The following CACNA1B variants were observed in gnomAD, a reference collection of about 807,000 sequenced individuals.
CACNA1B encodes the protein calcium voltage-gated channel subunit alpha1 B.
In CACNA1B, 70 loss-of-function variants were observed where a neutral mutation model predicts 247.2. The observed-to-expected ratio is 0.28, with a 90% CI of 0.23 to 0.35. CACNA1B has a LOEUF of 0.35. Among genes scored for constraint, CACNA1B ranks in the 10% least tolerant of loss-of-function variants. The probability of loss-of-function intolerance (pLI) is 1.00; values close to 1 mark genes in which losing one functional copy is unlikely to be tolerated. For missense variants in CACNA1B, 2,367 were observed against 3,197.4 expected (o/e 0.74, Z 6.26); for synonymous variants, 1,231 against 1,294.4 (o/e 0.95, Z 1.05).
At position 138,073,703 on chromosome 9, in the gene CACNA1B, G is replaced by C. The variant is rs1344120657; in HGVS notation, c.4791+99G>C. 3 of 756,888 alleles carry C rather than the reference G, an allele frequency of 4.0e-6. No individual in the cohort carries two copies. In the Admixed American group the frequency reaches 6.1e-5, roughly 15 times the overall value. The allele number at this position is 756,888 out of a possible 1,614,324, so 46.9% of individuals were successfully genotyped here. A position where few individuals can be genotyped will look rare whatever the true frequency, so the allele number is the denominator to read the frequency against. Reference sequence around the variant, plus strand: ...GCCCCTCCTTTGGGAGGCTGGGAGAGGGTATGGCATGCAGGTTTCGTGGTT... The same window carrying C: ...GCCCCTCCTTTGGGAGGCTGGGAGACGGTATGGCATGCAGGTTTCGTGGTT... On this transcript the variant is annotated intron_variant, in intron 33 of 46. Coordinates refer to ENST00000371372, the MANE Select transcript of CACNA1B (RefSeq NM_000718.4). This position sits in a 1 kb window ranked among gnomAD's most constrained non-coding sequence, Gnocchi z 6.4.
At chr9:138,078,007 C>T (rs1421361259) in intron 35 of CACNA1B, 107 bp from the exon 36 acceptor site, 2 of 894,008 alleles carry the variant, frequency 2.2e-6, no homozygotes, top group East Asian at 5.3e-5. Flanking sequence ...CATGTGTGAG[C>T]TGTCTGTGGG....
chr9:138,023,730 C>T lies in CACNA1B; in HGVS notation c.2987C>T (p.Thr996Ile). 2 of 1,010,212 alleles carry T rather than the reference C, an allele frequency of 2.0e-6. No homozygotes were observed. Among genetic ancestry groups the T allele is most frequent in the Non-Finnish European group, 2.5e-6 (2 of 806,418 alleles). The allele number at this position is 1,010,212 out of a possible 1,614,324, so 62.6% of individuals were successfully genotyped here. A position where few individuals can be genotyped will look rare whatever the true frequency, so the allele number is the denominator to read the frequency against. Residue 996 changes from threonine to isoleucine, a missense_variant, in exon 19 of 47, where the codon ACC becomes ATC. Physicochemically the swap from Thr to Ile is moderately conservative, Grantham distance 89. This residue lies in a region of CACNA1B where 631 missense variants were observed against 631.1 expected (regional missense o/e 1.00). Coordinates refer to ENST00000371372, the MANE Select transcript of CACNA1B (RefSeq NM_000718.4). ...QPAHEAVEKETTEKEATEKEA... is the reference protein window; with the variant it reads ...QPAHEAVEKEITEKEATEKEA... ...GCTCACGAGGCTGTGGAGAAGGAGA[C>T]CACGGAGAAGGAGGCCACGGAGAAG...
chr9:138,022,873 A>C, intron 18 of CACNA1B, 138 bp from the exon 19 acceptor site: 1 of 1,097,708 alleles, frequency 9.1e-7, no homozygotes, highest in Non-Finnish European at 1.2e-6. Context: ...GCGTCCCCCG[A>C]GGGGTGTGGG....
At position 137,899,820 on chromosome 9, in the gene CACNA1B, A is replaced by T. The variant is rs1336408692; in HGVS notation, c.531-13360A>T. 6.6e-6 allele frequency among the ~76,000 whole-genome samples: 1 copy of T among 152,062 alleles called. No individual in the cohort carries two copies. The highest frequency in any genetic ancestry group is 1.5e-5 in the Non-Finnish European group (1 of 68,008). On this transcript the variant is annotated intron_variant, in intron 3 of 46. Transcript: ENST00000371372. This position sits in a 1 kb window ranked among gnomAD's most constrained non-coding sequence, Gnocchi z 5.0. The stretch of plus-strand genomic sequence containing the variant: ...ACTGGGCCTGACTGGCACCTGACCC[A>T]CCTGCCCCGGCCCAGGGACCCCCGC...
chr9:138,111,340 G>C (rs376973808), intron 39 of CACNA1B, among the ~76,000 whole-genome samples: 1 of 152,338 alleles, frequency 6.6e-6, no homozygotes, highest in South Asian at 2.1e-4. Context: ...CTACAGTTGC[G>C]TGTGGCAATG....
rs968415615 is a variant in CACNA1B, at chr9:137,955,425, C to T, written c.1071-273C>T. On this transcript the variant is annotated intron_variant, in intron 7 of 46. Transcript: ENST00000371372. The surrounding 1 kb of genome is among the most constrained non-coding windows in gnomAD (Gnocchi z 6.9). ...ACTGCCCCTCTGGGGACCAAGGCAC[C>T]GTCCCTAAGTGCCACGGGAGTCTGA... Among the ~76,000 whole-genome samples the T allele has an allele frequency of 4.6e-5, 7 of 152,176 alleles. No individual in the cohort carries two copies. Among genetic ancestry groups the T allele is most frequent in the South Asian group, 2.1e-4 (1 of 4,824 alleles).
chr9:137,898,771 T>A (rs1221056462), intron 3 of CACNA1B, among the ~76,000 whole-genome samples: 1 of 151,310 alleles, frequency 6.6e-6, no homozygotes, highest in Non-Finnish European at 1.5e-5. Flanking sequence ...AAGCTCCACC[T>A]CCTGGGTTCA....
At chr9:138,009,866 G>T in intron 16 of CACNA1B, 144 bp from the exon 17 acceptor site, 1 of 651,766 alleles carries the variant, frequency 1.5e-6, no homozygotes. Flanking sequence ...GCTGGAGTGT[G>T]TCTGGGGATG....
At position 138,023,371 on chromosome 9, in the gene CACNA1B, CG is replaced by C; in HGVS notation, c.2632del (p.Glu878SerfsTer131). The C allele has an allele frequency of 7.7e-7, 1 of 1,297,586 alleles. No homozygotes were observed. The highest frequency in any genetic ancestry group is 9.8e-7 in the Non-Finnish European group (1 of 1,021,164). 80.4% of individuals were successfully genotyped at this position (1,297,586 alleles called of 1,614,324 possible). A position where few individuals can be genotyped will look rare whatever the true frequency, so the allele number is the denominator to read the frequency against. On this transcript the variant is annotated frameshift_variant, in exon 19 of 47. Coordinates refer to ENST00000371372, the MANE Select transcript of CACNA1B (RefSeq NM_000718.4). LOFTEE classifies it high-confidence loss of function. ...GAGCAGAGGCCCCGAAGGCGGAGAG[CG>C]GGGAGCCCGGTGCCCGGGAGGAGCG... is the stretch of plus-strand genomic sequence containing the variant. ...DRAEAPKAES[G>X]EPGAREERPR...
intron 38 of CACNA1B, among the ~76,000 whole-genome samples, chr9:138,103,917 C>T (rs1469020147): frequency 3.3e-5 from 5 of 152,242 alleles, no homozygotes; most frequent in Non-Finnish European, 7.3e-5. Flanking sequence ...CCAAGCCATC[C>T]TCAGCCCCTG....
chr9:138,028,007 T>C (rs1958941817), intron 20 of CACNA1B, among the ~76,000 whole-genome samples: 3 of 149,610 alleles, frequency 2.0e-5, no homozygotes, highest in Non-Finnish European at 4.4e-5. Flanking sequence ...GGGTCTCATT[T>C]CCACTCCCCC....
At chr9:138,056,760 A>G (rs1256344392) in intron 26 of CACNA1B, among the ~76,000 whole-genome samples, 4 of 151,936 alleles carry the variant, frequency 2.6e-5, no homozygotes, top group Non-Finnish European at 5.9e-5. Context: ...TAGTTTTGGT[A>G]TTTTTTAAAC....
At chr9:138,013,278 C>A in intron 18 of CACNA1B, 43 bp downstream of exon 18, 1 of 1,441,180 alleles carries the variant, frequency 6.9e-7, no homozygotes, top group Non-Finnish European at 9.4e-7. Flanking sequence ...AGTGGGGCTG[C>A]TGCAGGGTCC....
rs1048065107 is a variant in CACNA1B, at chr9:138,057,670, A to T, written c.3969-62A>T. ...CCACGGAATGGTTTCAACACTCTTG[A>T]TAGGTGGGTTTATTTGGATCTTTTG... is the stretch of plus-strand genomic sequence containing the variant. On this transcript the variant is annotated intron_variant, in intron 26 of 46. Transcript: ENST00000371372. The surrounding 1 kb of genome is among the most constrained non-coding windows in gnomAD (Gnocchi z 4.0). 2 of 1,525,656 alleles carry T rather than the reference A, an allele frequency of 1.3e-6. No individual in the cohort carries two copies. The highest frequency in any genetic ancestry group is 1.8e-5 in the Admixed American group (1 of 55,638). The allele number at this position is 1,525,656 out of a possible 1,614,324, so 94.5% of individuals were successfully genotyped here. A position where few individuals can be genotyped will look rare whatever the true frequency, so the allele number is the denominator to read the frequency against.
chr9:138,077,102 G>A (rs544211432), intron 35 of CACNA1B, among the ~76,000 whole-genome samples: 9 of 152,260 alleles, frequency 5.9e-5, no homozygotes, highest in Middle Eastern at 3.4e-3. Context: ...CCTGAACTTC[G>A]TGTTCCCTGG....
rs1244429601 is a variant in CACNA1B, at chr9:138,011,295, A to G, written c.2160+1218A>G. ...CCCCACTGTCTCTTTAAGTTCTGTC[A>G]TGAAGGAAGATGCATGGAGGAAGCC... On this transcript the variant is annotated intron_variant, in intron 17 of 46. Transcript: ENST00000371372. The surrounding 1 kb of genome is among the most constrained non-coding windows in gnomAD (Gnocchi z 4.2). Among the ~76,000 whole-genome samples the G allele has an allele frequency of 1.3e-4, 20 of 152,138 alleles. No homozygotes were observed. Among genetic ancestry groups the G allele is most frequent in the Admixed American group, 1.2e-3 (19 of 15,272 alleles).
chr9:137,978,619 G>A (rs937825620), intron 12 of CACNA1B, among the ~76,000 whole-genome samples: 8 of 152,218 alleles, frequency 5.3e-5, no homozygotes, highest in African/African-American at 1.7e-4. Context: ...GGCCTGGACC[G>A]TGGTAGTAAA....
At chr9:137,951,740 G>C (rs773855552) in intron 6 of CACNA1B, among the ~76,000 whole-genome samples, 6 of 152,260 alleles carry the variant, frequency 3.9e-5, no homozygotes, top group Non-Finnish European at 7.3e-5. Flanking sequence ...CCTGAGTGCT[G>C]GGCGCTGTCT....
intron 36 of CACNA1B, among the ~76,000 whole-genome samples, chr9:138,090,701 C>CAAAAAAAAAAAAAAAAAAA (rs1173964720): frequency 5.4e-4 from 9 of 16,594 alleles, no homozygotes; most frequent in Non-Finnish European, 7.1e-4. Context: ...AACCCATCAG[C>CAAAAAAAAAAAAAAAAAAA]AAAAAAAAAA....
Sources: allele counts gnomAD v4.1 joint callset (sites outside exome capture counted in the v4.1 genomes callset), GRCh38; gene constraint gnomAD v4.1.1; regional missense constraint gnomAD v4.1.1; non-coding constraint Gnocchi (gnomAD v3.1); transcripts MANE v1.5; gene names NCBI Gene and HGNC (gene_info 2026-07-23, HGNC 2026-07-21).